The following TC2N variants were observed in gnomAD, a reference collection of about 807,000 sequenced individuals.
The protein encoded by TC2N is tandem C2 domains nuclear protein.
Under a neutral mutation model 61.9 loss-of-function variants are expected in TC2N, and 51 were observed. The observed-to-expected ratio is 0.82, with a 90% CI of 0.66 to 1.04. The LOEUF is 1.04. Among genes scored for constraint, TC2N ranks in the 50% least tolerant of loss-of-function variants. TC2N has a pLI of 0.00. For synonymous variants in TC2N, 204 were observed against 192.6 expected (o/e 1.06, Z -0.49); for missense variants, 556 against 566.7 (o/e 0.98, Z 0.19).
intron 10 of TC2N, 52 bp from the exon 11 acceptor site, chr14:91,785,413 A>G (rs1885318045): frequency 1.4e-6 from 2 of 1,399,600 alleles, no homozygotes; most frequent in Non-Finnish European, 2.0e-6. Flanking sequence ...ATACCATATA[A>G]AGATGTGTAT....
At chr14:91,807,641 T>A (rs1886575850) in intron 3 of TC2N, among the ~76,000 whole-genome samples, 3 of 152,238 alleles carry the variant, frequency 2.0e-5, no homozygotes, top group African/African-American at 7.2e-5. Flanking sequence ...CTATTGTATC[T>A]AGGAAGTAAT....
At chr14:91,849,210 C>T (rs1190245324) in intron 1 of TC2N, among the ~76,000 whole-genome samples, 1 of 152,162 alleles carries the variant, frequency 6.6e-6, no homozygotes, top group East Asian at 1.9e-4. Flanking sequence ...GCTGTGATTT[C>T]CCACTATTTC....
intron 1 of TC2N, among the ~76,000 whole-genome samples, chr14:91,850,049 C>CAAA (rs34245812): frequency 2.7e-4 from 32 of 118,160 alleles, no homozygotes; most frequent in Non-Finnish European, 4.8e-4. Flanking sequence ...AACTCCATCT[C>CAAA]AAAAAAAAAA....
intron 9 of TC2N, among the ~76,000 whole-genome samples, chr14:91,788,544 G>A (rs767138039): frequency 1.3e-5 from 2 of 152,130 alleles, no homozygotes; most frequent in Non-Finnish European, 2.9e-5. Context: ...TAAAGTTACA[G>A]AACAACTGAA....
At chr14:91,814,446 G>T (rs1247959200) in intron 1 of TC2N, among the ~76,000 whole-genome samples, 1 of 150,618 alleles carries the variant, frequency 6.6e-6, no homozygotes, top group Non-Finnish European at 1.5e-5. Flanking sequence ...CACAGAGAGA[G>T]AAAAGAAATA....
intron 1 of TC2N, among the ~76,000 whole-genome samples, chr14:91,864,594 A>G (rs1316191618): frequency 2.6e-5 from 4 of 152,208 alleles, no homozygotes; most frequent in Admixed American, 6.5e-5. Context: ...ACGAAGACTT[A>G]GAAAAAAGGA....
intron 1 of TC2N, among the ~76,000 whole-genome samples, chr14:91,826,319 G>GGAA (rs1887499237): frequency 7.1e-6 from 1 of 139,978 alleles, no homozygotes; most frequent in Non-Finnish European, 1.5e-5. Flanking sequence ...GACCTTGTCT[G>GGAA]AAAAAAAAAA....
At chr14:91,819,918 A>C (rs12050283) in intron 1 of TC2N, among the ~76,000 whole-genome samples, 13,564 of 152,178 alleles carry the variant, frequency 0.089, 706 homozygotes, top group South Asian at 0.24. Flanking sequence ...CTTATAAGCC[A>C]ACAAAGGAGA....
chr14:91,796,944 C>A (rs1222119034), intron 8 of TC2N, among the ~76,000 whole-genome samples: 1 of 138,470 alleles, frequency 7.2e-6, no homozygotes, highest in Non-Finnish European at 1.6e-5. Flanking sequence ...TTTCTTCAAA[C>A]AAAACTTCCA....
intron 1 of TC2N, among the ~76,000 whole-genome samples, chr14:91,822,296 T>C (rs1887290218): frequency 6.6e-6 from 1 of 152,192 alleles, no homozygotes; most frequent in Non-Finnish European, 1.5e-5. Context: ...TGTGGCTCAA[T>C]GGAACACTAC....
At chr14:91,792,641 AG>A in intron 8 of TC2N, 83 bp from the exon 9 acceptor site, 1 of 636,268 alleles carries the variant, frequency 1.6e-6, no homozygotes, top group Non-Finnish European at 2.4e-6. Context: ...TTTTATATTT[AG>A]GAAAGGTATA....
intron 1 of TC2N, among the ~76,000 whole-genome samples, chr14:91,849,971 C>A (rs112948961): frequency 0.041 from 6,155 of 151,014 alleles, 341 homozygotes; most frequent in African/African-American, 0.12. Flanking sequence ...ATCACTTGAA[C>A]CTGGGAGGTG....
intron 3 of TC2N, among the ~76,000 whole-genome samples, chr14:91,809,489 C>T (rs981243603): frequency 2.6e-5 from 4 of 151,978 alleles, no homozygotes; most frequent in African/African-American, 9.7e-5. Context: ...AAACTCTAGA[C>T]CAAAACTAAA....
chr14:91,816,036 C>G (rs948254727), intron 1 of TC2N, among the ~76,000 whole-genome samples: 1 of 151,682 alleles, frequency 6.6e-6, no homozygotes, highest in African/African-American at 2.4e-5. Context: ...AAATTCAGAT[C>G]AAATTTTAAA....
chr14:91,827,963 A>G (rs1398018852), intron 1 of TC2N, among the ~76,000 whole-genome samples: 1 of 152,158 alleles, frequency 6.6e-6, no homozygotes, highest in Non-Finnish European at 1.5e-5. Context: ...CCCACAAAAC[A>G]TTATTATTCT....
chr14:91,824,809 C>A (rs1467541300), intron 1 of TC2N, among the ~76,000 whole-genome samples: 1 of 151,814 alleles, frequency 6.6e-6, no homozygotes, highest in Non-Finnish European at 1.5e-5. Flanking sequence ...AGGTAACAAT[C>A]CAGCTGGAAC....
At chr14:91,787,000 A>C (rs1423180577) in intron 10 of TC2N, among the ~76,000 whole-genome samples, 1 of 152,110 alleles carries the variant, frequency 6.6e-6, no homozygotes, top group Non-Finnish European at 1.5e-5. Context: ...GCCCCCATAC[A>C]GTTCCCTTCT....
chr14:91,864,374 A>G (rs1001318830), intron 1 of TC2N, among the ~76,000 whole-genome samples: 2 of 152,306 alleles, frequency 1.3e-5, no homozygotes. Flanking sequence ...CTTCATCTCA[A>G]TGTTGGCTTT....
chr14:91,781,617 T>C lies in TC2N; in HGVS notation c.*1483A>G, dbSNP rs1885136826. 6.6e-6 allele frequency: 1 copy of C among 152,160 alleles called. No individual in the cohort carries two copies. The highest frequency in any genetic ancestry group is 2.1e-4 in the South Asian group (1 of 4,828). 9.4% of individuals were successfully genotyped at this position (152,160 alleles called of 1,614,324 possible). On this transcript the variant is annotated 3_prime_UTR_variant, in exon 12 of 12. Coordinates refer to ENST00000435962, the MANE Select transcript of TC2N (RefSeq NM_001128596.3). ...TATTCGTCTCAGATTCAAAATATTATCACACAGGTGATTTATCTTAAAAAT... is the reference window on the plus strand; with the variant it reads ...TATTCGTCTCAGATTCAAAATATTACCACACAGGTGATTTATCTTAAAAAT...
Sources: gnomAD v4.1 joint callset for allele counts (sites outside exome capture counted in the v4.1 genomes callset) on GRCh38, gnomAD v4.1.1 for gene constraint, MANE v1.5 for transcripts, NCBI Gene and HGNC (gene_info 2026-07-23, HGNC 2026-07-21) for gene names.